The following FNIP2 variants were observed in gnomAD, a reference collection of about 807,000 sequenced individuals.
FNIP2 encodes the protein folliculin-interacting protein 2.
In FNIP2, 32 loss-of-function variants were observed where a neutral mutation model predicts 108.7. The ratio of observed to expected loss-of-function variants is 0.29; its 90% CI spans 0.22 to 0.40. The LOEUF is 0.40. Ranked by LOEUF, FNIP2 falls within the 10% of genes least tolerant of loss-of-function variation. The pLI, the probability that FNIP2 is intolerant of heterozygous loss-of-function variation, is 1.00. For synonymous variants in FNIP2, 480 were observed against 496.7 expected, an observed-to-expected ratio of 0.97 and a Z score of 0.45; for missense variants, 1,202 against 1,381.6, an observed-to-expected ratio of 0.87 and a Z score of 2.06.
rs574562200 is a variant in FNIP2 at position 158,885,947 on chromosome 4, C to T, written c.2950-5499C>T. Among the ~76,000 whole-genome samples, 29 of 152,302 alleles carry T rather than the reference C, an allele frequency of 1.9e-4. 1 individual carries two copies. The South Asian group carries it at 5.8e-3, about 30-fold the overall frequency. On this transcript the variant is annotated intron_variant, in intron 14 of 16. Transcript: ENST00000264433. ...GTGGAAGTTTAAGTTAAGCAGAAGT[C>T]ATGTGTATATGAATCAAGGCAGCAT... is the stretch of plus-strand genomic sequence containing the variant.
intron 7 of FNIP2, 136 bp from the exon 8 acceptor site, chr4:158,851,185 G>C (rs1053962613): frequency 2.1e-6 from 2 of 959,530 alleles, no homozygotes; most frequent in Non-Finnish European, 3.0e-6. Flanking sequence ...TAGTGGCGAA[G>C]TGTACAGTTT....
At chr4:158,770,661 G>T (rs1026691541) in intron 1 of FNIP2, among the ~76,000 whole-genome samples, 1 of 152,178 alleles carries the variant, frequency 6.6e-6, no homozygotes, top group Non-Finnish European at 1.5e-5. Flanking sequence ...TATAATTTGA[G>T]TGGGAATTCT....
intron 1 of FNIP2, among the ~76,000 whole-genome samples, chr4:158,775,902 G>A (rs890177125): frequency 6.6e-6 from 1 of 151,982 alleles, no homozygotes; most frequent in Non-Finnish European, 1.5e-5. Context: ...TTCATTTCTA[G>A]GAATTATTTT....
At position 158,870,095 on chromosome 4, in the gene FNIP2, C is replaced by T. The variant is rs561801300; in HGVS notation, c.2793-218C>T. On this transcript the variant is annotated intron_variant, in intron 13 of 16. Coordinates refer to ENST00000264433, the MANE Select transcript of FNIP2 (RefSeq NM_020840.3). ...GTCCAATATGAGGTACAAAAACAAA[C>T]TCATAACTAGCCATGGATAGTTTTT... 2.0e-5 allele frequency among the ~76,000 whole-genome samples: 3 copies of T among 152,276 alleles called. No homozygotes were observed. The South Asian group carries it at 6.2e-4, about 32-fold the overall frequency.
chr4:158,896,094 G>A (rs1782648896), intron 16 of FNIP2, among the ~76,000 whole-genome samples: 1 of 152,124 alleles, frequency 6.6e-6, no homozygotes, highest in Admixed American at 6.5e-5. Context: ...GGCTGGTCGT[G>A]CTTTGTTGCT....
intron 7 of FNIP2, among the ~76,000 whole-genome samples, chr4:158,840,665 G>T (rs1779080619): frequency 1.3e-5 from 2 of 152,246 alleles, no homozygotes; most frequent in South Asian, 4.1e-4. Context: ...CAAAGTGCTG[G>T]GATTACAGGT....
In FNIP2 at chr4:158,859,066, T is replaced by A. The variant is rs544764180; in HGVS notation, c.867T>A (p.Asp289Glu). The change falls in exon 9 of 17, where the codon GAT (aspartate) becomes GAA (glutamate). Residue 289 changes from aspartate to glutamate, a missense_variant. By Grantham distance (45) the Asp-to-Glu change is conservative (BLOSUM62 2). Coordinates refer to ENST00000264433, the MANE Select transcript of FNIP2 (RefSeq NM_020840.3). Reference sequence around the variant, plus strand: ...TTATATTTCCCTCCAGGTCAACTGATGAGACATTCAGCTTGGCTGAAGAAA... The same window carrying A: ...TTATATTTCCCTCCAGGTCAACTGAAGAGACATTCAGCTTGGCTGAAGAAA... Reference protein sequence around the residue: ...ENGIIPRRSTDETFSLAEETC... With the variant: ...ENGIIPRRSTEETFSLAEETC... The A allele has an allele frequency of 6.2e-7, 1 of 1,606,240 alleles. No individual in the cohort carries two copies. The highest frequency in any genetic ancestry group is 1.1e-5 in the South Asian group (1 of 90,924).
chr4:158,826,503 G>T (rs1436178301), intron 2 of FNIP2, among the ~76,000 whole-genome samples: 1 of 152,188 alleles, frequency 6.6e-6, no homozygotes, highest in Non-Finnish European at 1.5e-5. Flanking sequence ...TTATTTACAG[G>T]ACTTCCATAT....
At chr4:158,881,546 C>T (rs1225261030) in intron 14 of FNIP2, among the ~76,000 whole-genome samples, 1 of 151,090 alleles carries the variant, frequency 6.6e-6, no homozygotes, top group Non-Finnish European at 1.5e-5. Flanking sequence ...ACTGCAAGCT[C>T]CCTGCCTGAT....
chr4:158,893,652 A>G lies in FNIP2; in HGVS notation c.3150+2006A>G, dbSNP rs372847692. On this transcript the variant is annotated intron_variant, in intron 15 of 16. Transcript: ENST00000264433. ...ATGATCTTATTTTTTGTTATACAGT[A>G]GTAGGCAGTTTCTCCTTCTAAAAGC... The G allele has an allele frequency of 2.6e-6, 4 of 1,522,676 alleles. No homozygotes were observed. In the African/African-American group the frequency reaches 5.5e-5, roughly 21 times the overall value. The allele number at this position is 1,522,676 out of a possible 1,614,324, so 94.3% of individuals were successfully genotyped here.
chr4:158,804,017 C>T (rs1776851055), intron 1 of FNIP2, among the ~76,000 whole-genome samples: 1 of 152,200 alleles, frequency 6.6e-6, no homozygotes, highest in Non-Finnish European at 1.5e-5. Context: ...CAGCTCACTG[C>T]AACCTCTGCC....
intron 16 of FNIP2, among the ~76,000 whole-genome samples, chr4:158,903,428 C>G (rs1729531756): frequency 6.6e-6 from 1 of 152,312 alleles, no homozygotes; most frequent in South Asian, 2.1e-4. Context: ...ATTCGGCCGT[C>G]TTGCCTTATT....
At chr4:158,901,763 C>A (rs1035664890) in intron 16 of FNIP2, among the ~76,000 whole-genome samples, 1 of 151,674 alleles carries the variant, frequency 6.6e-6, no homozygotes, top group Non-Finnish European at 1.5e-5. Context: ...AGCCTTTCTT[C>A]TGCTTGATTG....
intron 15 of FNIP2, chr4:158,893,547 G>A: frequency 3.3e-6 from 2 of 603,510 alleles, no homozygotes; most frequent in Non-Finnish European, 5.8e-6. Context: ...TTTCCAAACT[G>A]TTTATTTGGG....
At chr4:158,885,602 C>G (rs1298843095) in intron 14 of FNIP2, among the ~76,000 whole-genome samples, 1 of 152,180 alleles carries the variant, frequency 6.6e-6, no homozygotes, top group African/African-American at 2.4e-5. Flanking sequence ...TGGTTCAGGA[C>G]AGCAGGACGA....
chr4:158,896,120 T>C (rs956038809), intron 16 of FNIP2, among the ~76,000 whole-genome samples: 1 of 152,202 alleles, frequency 6.6e-6, no homozygotes, highest in African/African-American at 2.4e-5. Context: ...CTGTGGATTA[T>C]CTTATGCTTG....
At chr4:158,821,845 T>C (rs1777898979) in intron 1 of FNIP2, among the ~76,000 whole-genome samples, 1 of 152,156 alleles carries the variant, frequency 6.6e-6, no homozygotes, top group Non-Finnish European at 1.5e-5. Flanking sequence ...CACCGCACTT[T>C]GGGAGGCTGA....
At position 158,905,296 on chromosome 4, in the gene FNIP2, A is replaced by G. The variant is rs866406435; in HGVS notation, c.*752A>G. ...CATCAAGATGTAGTTTGTAGCAGCA[A>G]AGTGTACAGTCTGAAACCGTATGTT... On this transcript the variant is annotated 3_prime_UTR_variant, in exon 17 of 17. Transcript: ENST00000264433. 3 of 152,212 alleles carry G rather than the reference A, an allele frequency of 2.0e-5. No homozygotes were observed. In the South Asian group the frequency reaches 6.2e-4, roughly 32 times the overall value. 9.4% of individuals were successfully genotyped at this position (152,212 alleles called of 1,614,324 possible).
intron 14 of FNIP2, among the ~76,000 whole-genome samples, chr4:158,875,539 T>TATATATATATATATATATGC (rs1474470268): frequency 3.1e-4 from 45 of 144,168 alleles, no homozygotes; most frequent in African/African-American, 1.0e-3. Context: ...TATATATATA[T>TATATATATATATATATATGC]ATGCTCATGA....
Sources: allele counts gnomAD v4.1 joint callset (sites outside exome capture counted in the v4.1 genomes callset), GRCh38; gene constraint gnomAD v4.1.1; transcripts MANE v1.5; gene names NCBI Gene and HGNC (gene_info 2026-07-23, HGNC 2026-07-21).